The following VWF variants were observed in gnomAD, a reference collection of about 807,000 sequenced individuals.
VWF encodes Factor VIII related antigen.
In VWF, 176 loss-of-function variants were observed where a neutral mutation model predicts 308.6. That is an observed-to-expected ratio of 0.57 (90% CI 0.50 to 0.65). The LOEUF (loss-of-function observed/expected upper bound fraction) is 0.65. VWF is among the 30% of genes least tolerant of loss of function. VWF has a pLI of 0.00. For missense variants in VWF, 3,146 were observed against 3,648.2 expected (o/e 0.86, Z 3.55); for synonymous variants, 1,385 against 1,443.4 (o/e 0.96, Z 0.92).
At chr12:5,979,972 T>A (rs1167510385) in intron 42 of VWF, among the ~76,000 whole-genome samples, 2 of 135,838 alleles carry the variant, frequency 1.5e-5, no homozygotes, top group Non-Finnish European at 3.1e-5. Flanking sequence ...ACCCGGGAGG[T>A]GGAGCTTGCA....
intron 34 of VWF, among the ~76,000 whole-genome samples, chr12:6,010,305 C>CA (rs879358580): frequency 1.7e-4 from 26 of 151,456 alleles, no homozygotes; most frequent in East Asian, 5.8e-4. Flanking sequence ...AAGAAATTTG[C>CA]AAAAAAAATA....
intron 21 of VWF, among the ~76,000 whole-genome samples, chr12:6,030,934 C>T (rs1944254699): frequency 6.6e-6 from 1 of 152,122 alleles, no homozygotes; most frequent in Non-Finnish European, 1.5e-5. Flanking sequence ...GAGGCTGATG[C>T]AGGAGAATCG....
At chr12:6,071,970 G>A (rs147485531) in intron 9 of VWF, among the ~76,000 whole-genome samples, 285 of 152,268 alleles carry the variant, frequency 1.9e-3, no homozygotes, top group African/African-American at 6.6e-3. Flanking sequence ...CCTAGCAGAT[G>A]AGAGATTTCA....
At position 5,993,854 on chromosome 12, in the gene VWF, A is replaced by C; in HGVS notation, c.6598+8T>G. On this transcript the variant is annotated splice_region_variant and intron_variant, in intron 37 of 51. Coordinates refer to ENST00000261405, the MANE Select transcript of VWF (RefSeq NM_000552.5). ...TCCAGGATTTTCAGAGGTAACTTGG[A>C]GACTCACCACAGAAATCAGGTGTCC... 1.9e-6 allele frequency: 3 copies of C among 1,612,142 alleles called. No homozygotes were observed. Among genetic ancestry groups the C allele is most frequent in the Non-Finnish European group, 2.5e-6 (3 of 1,179,802 alleles).
chr12:6,003,523 A>T (rs1943894515), intron 34 of VWF, among the ~76,000 whole-genome samples: 1 of 152,132 alleles, frequency 6.6e-6, no homozygotes. Flanking sequence ...AAAAAAAAAA[A>T]AATCAACCAA....
In VWF at chr12:6,052,653, C is replaced by T. The variant is rs746935989; in HGVS notation, c.2076G>A (p.Gly692=). 1.2e-6 allele frequency: 2 copies of T among 1,614,270 alleles called. No homozygotes were observed. Among genetic ancestry groups the T allele is most frequent in the East Asian group, 2.2e-5 (1 of 44,890 alleles). The change falls in exon 16 of 52, where the codon GGG becomes GGA. Residue 692 remains glycine, a synonymous_variant. Coordinates refer to ENST00000261405, the MANE Select transcript of VWF (RefSeq NM_000552.5). ...ACLEGCFCPP[G]LYMDERGDCV... The stretch of plus-strand genomic sequence containing the variant: ...AGTCCCCCCTCTCATCCATGTAGAG[C>T]CCTGGGGGGCAGAAGCAGCCCTCCA...
chr12:5,958,567 T>C (rs137870258), intron 47 of VWF, among the ~76,000 whole-genome samples: 1,733 of 152,202 alleles, frequency 0.011, 30 homozygotes, highest in Admixed American at 0.041. Context: ...TGCACAACTG[T>C]AGTCTCAGCT....
At chr12:6,085,065 C>G (rs768426917) in intron 6 of VWF, among the ~76,000 whole-genome samples, 1 of 152,172 alleles carries the variant, frequency 6.6e-6, no homozygotes, top group Non-Finnish European at 1.5e-5. Context: ...AAGTAGGAGA[C>G]TTGGCCATGG....
intron 47 of VWF, among the ~76,000 whole-genome samples, chr12:5,961,616 A>G (rs1943317828): frequency 6.6e-6 from 1 of 151,500 alleles, no homozygotes; most frequent in Non-Finnish European, 1.5e-5. Flanking sequence ...CACTATTACT[A>G]CAACTAATAA....
chr12:6,062,262 G>C (rs906384351), intron 13 of VWF, among the ~76,000 whole-genome samples: 1 of 152,056 alleles, frequency 6.6e-6, no homozygotes, highest in Admixed American at 6.5e-5. Context: ...GCCATGACAC[G>C]GTTGGTGGGG....
chr12:5,989,076 ACGGGCCAGAGCT>A (rs1943709905), intron 38 of VWF, among the ~76,000 whole-genome samples: 1 of 152,146 alleles, frequency 6.6e-6, no homozygotes, highest in African/African-American at 2.4e-5. Context: ...GAAGGAGGCT[ACGGGCCAGAGCT>A]TCTGGGCCAT....
chr12:5,975,862 T>G (rs1027522834), intron 43 of VWF, among the ~76,000 whole-genome samples: 1 of 152,092 alleles, frequency 6.6e-6, no homozygotes, highest in African/African-American at 2.4e-5. Context: ...TACCCAGCCC[T>G]AACCCCCTCC....
At chr12:5,966,827 C>T (rs1943409948) in intron 47 of VWF, among the ~76,000 whole-genome samples, 1 of 152,232 alleles carries the variant, frequency 6.6e-6, no homozygotes, top group African/African-American at 2.4e-5. Context: ...AGCCAAGGCC[C>T]CTCCTGAGCT....
At chr12:6,101,741 C>A (rs1168267765) in intron 5 of VWF, among the ~76,000 whole-genome samples, 5 of 151,980 alleles carry the variant, frequency 3.3e-5, no homozygotes, top group African/African-American at 1.2e-4. Context: ...CGCCGCTGCA[C>A]TCCAGCCTAG....
Position 5,953,509 on chromosome 12 carries a change from A to G in VWF, c.7973T>C (p.Ile2658Thr). 6.2e-7 allele frequency: 1 copy of G among 1,614,098 alleles called. No homozygotes were observed. Among genetic ancestry groups the G allele is most frequent in the African/African-American group, 1.3e-5 (1 of 75,042 alleles). ...GCTTGCTCCTACCTTCAGTGTCATG[A>G]TCTGTCCTCCTCTTAGCTGAATGGT... ...ACTIQLRGGQ[I>T]MTLKRDETLQ... Residue 2658 changes from isoleucine (I) to threonine (T), a missense_variant, in exon 48 of 52, where the codon ATC becomes ACC. Around this residue, in one of 3 missense-constraint regions of VWF, gnomAD observed 989 missense variants for 1,117.4 expected, o/e 0.89. Transcript: ENST00000261405.
At chr12:6,093,312 G>A (rs1331108150) in intron 6 of VWF, among the ~76,000 whole-genome samples, 3 of 152,090 alleles carry the variant, frequency 2.0e-5, no homozygotes, top group Non-Finnish European at 4.4e-5. Context: ...TCATTCCTCA[G>A]GAATGGCCCT....
In VWF at chr12:6,048,693, C is replaced by A. The variant is rs1473516258; in HGVS notation, c.2187-1876G>T. On this transcript the variant is annotated intron_variant, in intron 16 of 51. Transcript: ENST00000261405. ...GACCAGGCTGGTCTCAAACTCCTGA[C>A]CTCAAGTGATCCGCCCACCTCGGCC... 2.0e-5 allele frequency among the ~76,000 whole-genome samples: 3 copies of A among 150,084 alleles called. No individual in the cohort carries two copies. In the East Asian group the frequency reaches 6.0e-4, roughly 30 times the overall value.
At position 5,967,753 on chromosome 12, in the gene VWF, C is replaced by T. The variant is rs1215725673; in HGVS notation, c.7771-151G>A. On this transcript the variant is annotated intron_variant, in intron 46 of 51. Transcript: ENST00000261405. Reference sequence around the variant, plus strand: ...CTGTCTCCTATGGCCCACTGCCTTCCCGTCCTCCCACCTCCAGTATCAAGA... The same window carrying T: ...CTGTCTCCTATGGCCCACTGCCTTCTCGTCCTCCCACCTCCAGTATCAAGA... 9 of 776,368 alleles carry T rather than the reference C, an allele frequency of 1.2e-5. No homozygotes were observed. In the African/African-American group the frequency reaches 1.3e-4, roughly 12 times the overall value. 48.1% of individuals were successfully genotyped at this position (776,368 alleles called of 1,614,324 possible).
chr12:6,123,108 C>G, intron 2 of VWF, 34 bp downstream of exon 2: 1 of 1,613,886 alleles, frequency 6.2e-7, no homozygotes, highest in Non-Finnish European at 8.5e-7. Context: ...GGCCCTGGGG[C>G]AGGAATGAGA....
Sources: gnomAD v4.1 joint callset for allele counts (sites outside exome capture counted in the v4.1 genomes callset) on GRCh38, gnomAD v4.1.1 for gene constraint, gnomAD v4.1.1 regional missense constraint, MANE v1.5 for transcripts, NCBI Gene and HGNC (gene_info 2026-07-23, HGNC 2026-07-21) for gene names.